ADGRF4: variants seen among roughly 807,000 people sequenced by gnomAD.
ADGRF4 encodes the protein G-protein coupled receptor PGR18.
In ADGRF4, 63 loss-of-function variants were observed where a neutral mutation model predicts 58.5. That is an observed-to-expected ratio of 1.08 (90% CI 0.88 to 1.33). The LOEUF is 1.33. Ranked by LOEUF, ADGRF4 falls within the 40% of genes most tolerant of loss-of-function variation. The pLI is 0.00. For missense variants in ADGRF4, 931 were observed against 843.9 expected (o/e 1.10, Z -1.28); for synonymous variants, 313 against 295.4 (o/e 1.06, Z -0.61).
intron 1 of ADGRF4, among the ~76,000 whole-genome samples, chr6:47,705,074 G>A (rs984383013): frequency 3.9e-5 from 6 of 152,026 alleles, no homozygotes; most frequent in African/African-American, 1.2e-4. Context: ...GACTACAGAC[G>A]CCTGCCACCA....
chr6:47,711,448 A>G (rs1771869796), intron 4 of ADGRF4, among the ~76,000 whole-genome samples: 1 of 152,166 alleles, frequency 6.6e-6, no homozygotes. Flanking sequence ...TTTTTAGTAG[A>G]GATGGGGTTT....
chr6:47,707,535 T>C (rs1313063896), intron 2 of ADGRF4, among the ~76,000 whole-genome samples, 197 bp downstream of exon 2: 1 of 152,200 alleles, frequency 6.6e-6, no homozygotes, highest in Admixed American at 6.5e-5. Flanking sequence ...AGAGCTACAG[T>C]ACAGTAGAAT....
intron 1 of ADGRF4, among the ~76,000 whole-genome samples, chr6:47,702,032 T>C (rs1328255910): frequency 6.7e-6 from 1 of 149,704 alleles, no homozygotes; most frequent in Admixed American, 6.7e-5. Context: ...AGAGAGGGGG[T>C]TTCACCATGT....
At chr6:47,720,995 C>A (rs927536183) in intron 9 of ADGRF4, among the ~76,000 whole-genome samples, 2 of 152,100 alleles carry the variant, frequency 1.3e-5, no homozygotes, top group Non-Finnish European at 1.5e-5. Flanking sequence ...AGGCAAAGGG[C>A]ACCAAAAATT....
At chr6:47,716,959 G>A in intron 7 of ADGRF4, 112 bp downstream of exon 7, 1 of 756,970 alleles carries the variant, frequency 1.3e-6, no homozygotes, top group Non-Finnish European at 2.3e-6. Flanking sequence ...AGTTTGTGAG[G>A]ATGGTTCAAG....
In ADGRF4 at chr6:47,713,909, G is replaced by T. The variant is rs757992247; in HGVS notation, c.664G>T (p.Ala222Ser). 2.5e-6 allele frequency: 4 copies of T among 1,609,562 alleles called. No individual in the cohort carries two copies. The highest frequency in any genetic ancestry group is 3.3e-4 in the Middle Eastern group (2 of 6,024). The change falls in exon 6 of 10, where the codon GCC becomes TCC. Residue 222 changes from alanine (A) to serine (S), a missense_variant. Physicochemically the swap from Ala to Ser is moderately conservative, Grantham distance 99. Coordinates refer to ENST00000283303, the MANE Select transcript of ADGRF4 (RefSeq NM_153838.5). ...SDLLQSVNLF[A>S]RQLHIHNNSE... ...TTTGTTGCAGTCAGTGAATTTGTTT[G>T]CCAGACAACTCCACATCCACAATAA... is the stretch of plus-strand genomic sequence containing the variant.
Position 47,714,940 on chromosome 6 carries a change from G to A in ADGRF4, c.1695G>A (p.Pro565=), listed in dbSNP as rs528737219. Residue 565 remains proline, a synonymous_variant, in exon 6 of 10, where the codon CCG becomes CCA. Coordinates refer to ENST00000283303, the MANE Select transcript of ADGRF4 (RefSeq NM_153838.5). ...AAGCCCTTTTAGCATTTGCCATCCC[G>A]GCGTTCGTCATTGTGGCTGTAAATC... ...NTKALLAFAI[P]AFVIVAVNLI... The A allele has an allele frequency of 6.8e-6, 11 of 1,613,662 alleles. No homozygotes were observed. The South Asian group carries it at 7.7e-5, about 11-fold the overall frequency.
At chr6:47,708,153 G>A in intron 2 of ADGRF4, 71 bp from the exon 3 acceptor site, 1 of 1,110,678 alleles carries the variant, frequency 9.0e-7, no homozygotes, top group Non-Finnish European at 1.4e-6. Context: ...TATTCATATG[G>A]AGCCTCTAAG....
chr6:47,705,982 A>G (rs1771699463), intron 1 of ADGRF4, among the ~76,000 whole-genome samples: 1 of 152,190 alleles, frequency 6.6e-6, no homozygotes, highest in Non-Finnish European at 1.5e-5. Context: ...CAAATGAGTG[A>G]CACTTGGTAA....
At chr6:47,710,169 C>A (rs1444979840) in intron 3 of ADGRF4, among the ~76,000 whole-genome samples, 1 of 152,094 alleles carries the variant, frequency 6.6e-6, no homozygotes, top group Non-Finnish European at 1.5e-5. Flanking sequence ...CCTTATATTA[C>A]CCTAGGAGCA....
intron 6 of ADGRF4, chr6:47,715,467 G>T: frequency 3.7e-6 from 1 of 273,680 alleles, no homozygotes; most frequent in Non-Finnish European, 6.9e-6. Context: ...TCTTTGGTCA[G>T]GGATATGTGA....
chr6:47,715,213 C>T (rs16876369), intron 6 of ADGRF4, 36 bp downstream of exon 6: 116,500 of 1,416,730 alleles, frequency 0.082, 13,078 homozygotes, highest in East Asian at 0.56. Flanking sequence ...TGTGTTACTC[C>T]GACTAGACCA....
At chr6:47,712,739 G>C (rs1771903852) in intron 5 of ADGRF4, 131 bp downstream of exon 5, 1 of 665,508 alleles carries the variant, frequency 1.5e-6, no homozygotes, top group Admixed American at 2.8e-5. Context: ...TTTCACTTCG[G>C]TTTGGGATAT....
rs1561865896 is a variant in ADGRF4, at chr6:47,708,239, C to T, written c.109C>T (p.Gln37Ter). The change falls in exon 3 of 10, where the codon CAA (glutamine) becomes TAA (stop). Residue 37 changes from glutamine to a stop codon, truncating the protein, a stop_gained. Coordinates refer to ENST00000283303, the MANE Select transcript of ADGRF4 (RefSeq NM_153838.5). LOFTEE classifies it high-confidence loss of function. Reference sequence around the variant, plus strand: ...TATTTTTCAGGCTGGAGATAAACTTCAAAGCCCTGAAGGGAAACCCAAGAC... The same window carrying T: ...TATTTTTCAGGCTGGAGATAAACTTTAAAGCCCTGAAGGGAAACCCAAGAC... Reference protein sequence around the residue: ...KIHLKAGDKLQSPEGKPKTGR... With the variant: ...KIHLKAGDKL 1 of 1,612,350 alleles carries T rather than the reference C, an allele frequency of 6.2e-7. No homozygotes were observed. Among genetic ancestry groups the T allele is most frequent in the Non-Finnish European group, 8.5e-7 (1 of 1,178,542 alleles).
chr6:47,707,861 T>G (rs1771757340), intron 2 of ADGRF4, among the ~76,000 whole-genome samples: 1 of 152,212 alleles, frequency 6.6e-6, no homozygotes, highest in Non-Finnish European at 1.5e-5. Flanking sequence ...TGGACCACAT[T>G]AACTTCATTT....
Position 47,718,408 on chromosome 6 carries a change from C to T in ADGRF4, c.2054C>T (p.Thr685Ile), listed in dbSNP as rs775640571. Residue 685 changes from threonine (T) to isoleucine (I), a missense_variant, in exon 9 of 10, where the codon ACC becomes ATC. By Grantham distance (89) the Thr-to-Ile change is moderately conservative. Transcript: ENST00000283303. ...RAAENASLGP[T>I]NGSKLMNRQG Reference sequence around the variant, plus strand: ...ACTTAGAATGCATCACTAGGCCCAACCAATGGATCTAAATTAATGAATCGT... The same window carrying T: ...ACTTAGAATGCATCACTAGGCCCAATCAATGGATCTAAATTAATGAATCGT... The T allele has an allele frequency of 4.4e-6, 7 of 1,576,348 alleles. No individual in the cohort carries two copies. In the South Asian group the frequency reaches 6.6e-5, roughly 15 times the overall value.
At position 47,714,956 on chromosome 6, in the gene ADGRF4, G is replaced by A; in HGVS notation, c.1711G>A (p.Ala571Thr). The A allele has an allele frequency of 2.5e-6, 4 of 1,613,798 alleles. No homozygotes were observed. The highest frequency in any genetic ancestry group is 2.5e-6 in the Non-Finnish European group (3 of 1,179,704). The change falls in exon 6 of 10, where the codon GCT (alanine) becomes ACT (threonine). Residue 571 changes from alanine (A) to threonine (T), a missense_variant. Coordinates refer to ENST00000283303, the MANE Select transcript of ADGRF4 (RefSeq NM_153838.5). ...TGCCATCCCGGCGTTCGTCATTGTGGCTGTAAATCTGATTGTGGTTTTGGT... is the reference window on the plus strand; with the variant it reads ...TGCCATCCCGGCGTTCGTCATTGTGACTGTAAATCTGATTGTGGTTTTGGT... ...AFAIPAFVIV[A>T]VNLIVVLVVA...
In ADGRF4 at chr6:47,714,609, T is replaced by G; in HGVS notation, c.1364T>G (p.Val455Gly). The G allele has an allele frequency of 6.2e-7, 1 of 1,614,104 alleles. No homozygotes were observed. Among genetic ancestry groups the G allele is most frequent in the Non-Finnish European group, 8.5e-7 (1 of 1,179,958 alleles). Reference sequence around the variant, plus strand: ...GCAGTGTCCCTTCTGACTGCCAATGTGTGGTTTATCATAGGCTCTCACTTT... The same window carrying G: ...GCAGTGTCCCTTCTGACTGCCAATGGGTGGTTTATCATAGGCTCTCACTTT... ...NIAVSLLTAN[V>G]WFIIGSHFNI... is the part of the protein sequence containing the mutation. Residue 455 changes from valine to glycine, a missense_variant, in exon 6 of 10, where the codon GTG becomes GGG. Physicochemically the swap from Val to Gly is moderately radical, Grantham distance 109 (BLOSUM62 -3). Transcript: ENST00000283303.
At chr6:47,700,480 G>C (rs1287633165) in intron 1 of ADGRF4, among the ~76,000 whole-genome samples, 1 of 152,210 alleles carries the variant, frequency 6.6e-6, no homozygotes, top group African/African-American at 2.4e-5. Flanking sequence ...ATAGGAGATG[G>C]TGTTTCAGAA....
Sources: allele counts gnomAD v4.1 joint callset (sites outside exome capture counted in the v4.1 genomes callset), GRCh38; gene constraint gnomAD v4.1.1; transcripts MANE v1.5; gene names NCBI Gene and HGNC (gene_info 2026-07-23, HGNC 2026-07-21).